CDH12: variants seen among roughly 807,000 people sequenced by gnomAD.
The protein encoded by CDH12 is cadherin-12.
In CDH12, 41 loss-of-function variants were observed where a neutral mutation model predicts 74.1. The observed-to-expected ratio is 0.55, with a 90% CI of 0.43 to 0.72. The LOEUF (loss-of-function observed/expected upper bound fraction) is 0.72, where lower values mean the gene tolerates loss of function less well. Among genes scored for constraint, CDH12 ranks in the 30% least tolerant of loss-of-function variants. The probability of loss-of-function intolerance (pLI) is 0.00; values close to 1 mark genes in which losing one functional copy is unlikely to be tolerated. For synonymous variants in CDH12, 399 were observed against 355.0 expected, an observed-to-expected ratio of 1.12 and a Z score of -1.39; for missense variants, 945 against 977.2, an observed-to-expected ratio of 0.97 and a Z score of 0.44.
chr5:22,489,690 CT>C (rs753962922), intron 2 of CDH12, among the ~76,000 whole-genome samples: 1,887 of 120,634 alleles, frequency 0.016, 9 homozygotes, highest in Middle Eastern at 0.031. Flanking sequence ...TGCAGTGTAA[CT>C]TTTTTTTTTT....
At chr5:22,566,837 G>A (rs1325137105) in intron 1 of CDH12, among the ~76,000 whole-genome samples, 1 of 152,038 alleles carries the variant, frequency 6.6e-6, no homozygotes, top group Non-Finnish European at 1.5e-5. Context: ...TGCTATGGTC[G>A]CTGTTTTTCA....
chr5:22,665,564 T>C (rs1053099272), intron 1 of CDH12, among the ~76,000 whole-genome samples: 1 of 152,222 alleles, frequency 6.6e-6, no homozygotes, highest in Non-Finnish European at 1.5e-5. Context: ...GCATTTCTAA[T>C]GTTTAAACCT....
At chr5:22,306,705 A>G (rs1254380060) in intron 3 of CDH12, among the ~76,000 whole-genome samples, 1 of 152,180 alleles carries the variant, frequency 6.6e-6, no homozygotes, top group Non-Finnish European at 1.5e-5. Flanking sequence ...TCTCATTCAT[A>G]TCTACAAGCA....
chr5:22,700,942 T>C (rs1038255129), intron 1 of CDH12, among the ~76,000 whole-genome samples: 1 of 152,242 alleles, frequency 6.6e-6, no homozygotes, highest in African/African-American at 2.4e-5. Context: ...TAGTTTCTAC[T>C]TAAGAGAAAT....
intron 5 of CDH12, among the ~76,000 whole-genome samples, chr5:22,001,014 CAT>C (rs1736573636): frequency 6.6e-6 from 1 of 152,060 alleles, no homozygotes; most frequent in Non-Finnish European, 1.5e-5. Flanking sequence ...AAGGCCAAGA[CAT>C]ATTAAATAAC....
intron 5 of CDH12, among the ~76,000 whole-genome samples, chr5:22,032,853 G>A (rs759748897): frequency 1.1e-4 from 17 of 149,164 alleles, no homozygotes; most frequent in Admixed American, 2.7e-4. Flanking sequence ...CACAAAGGAA[G>A]GACTCCAGTG....
intron 4 of CDH12, among the ~76,000 whole-genome samples, chr5:22,119,120 T>C (rs1479467397): frequency 6.6e-6 from 1 of 152,116 alleles, no homozygotes; most frequent in South Asian, 2.1e-4. Flanking sequence ...GTACATTACA[T>C]GCAGATTTCG....
At chr5:21,783,086 G>C (rs1479867035) in intron 11 of CDH12, among the ~76,000 whole-genome samples, 1 of 152,080 alleles carries the variant, frequency 6.6e-6, no homozygotes, top group African/African-American at 2.4e-5. Flanking sequence ...AAACTCGGGT[G>C]AATTTTTGAG....
chr5:22,423,424 G>A (rs1211593924), intron 2 of CDH12, among the ~76,000 whole-genome samples: 6 of 152,102 alleles, frequency 3.9e-5, no homozygotes, highest in African/African-American at 1.4e-4. Context: ...TCCAGAGTAG[G>A]TAATCCTGGC....
At chr5:22,729,597 AG>A (rs1241826978) in intron 1 of CDH12, among the ~76,000 whole-genome samples, 1 of 151,888 alleles carries the variant, frequency 6.6e-6, no homozygotes, top group Non-Finnish European at 1.5e-5. Context: ...CAGTGCATCT[AG>A]GAAGGATTTG....
At chr5:22,289,369 A>T (rs1364230358) in intron 3 of CDH12, among the ~76,000 whole-genome samples, 1 of 152,194 alleles carries the variant, frequency 6.6e-6, no homozygotes, top group Non-Finnish European at 1.5e-5. Context: ...AAATTAATGG[A>T]TTATGGAGAG....
At chr5:22,615,799 A>G (rs1243404672) in intron 1 of CDH12, among the ~76,000 whole-genome samples, 1 of 152,266 alleles carries the variant, frequency 6.6e-6, no homozygotes, top group Non-Finnish European at 1.5e-5. Flanking sequence ...TCTTCTTTAC[A>G]GAAGGATACC....
At chr5:22,831,899 C>T (rs558805874) in intron 1 of CDH12, among the ~76,000 whole-genome samples, 8 of 150,942 alleles carry the variant, frequency 5.3e-5, no homozygotes, top group African/African-American at 9.7e-5. Flanking sequence ...TCTGTCCCCC[C>T]CAAAAAAAAA....
At chr5:21,802,741 G>A (rs781397642) in intron 9 of CDH12, among the ~76,000 whole-genome samples, 4 of 151,580 alleles carry the variant, frequency 2.6e-5, no homozygotes, top group Non-Finnish European at 2.9e-5. Flanking sequence ...ACAGGCGCCC[G>A]CCACCATGCC....
At chr5:21,794,943 T>A (rs1414269912) in intron 10 of CDH12, among the ~76,000 whole-genome samples, 2 of 151,674 alleles carry the variant, frequency 1.3e-5, no homozygotes, top group African/African-American at 4.8e-5. Flanking sequence ...ATTACTTTTA[T>A]TTTTCATGGC....
intron 1 of CDH12, among the ~76,000 whole-genome samples, chr5:22,841,546 T>C (rs1048523539): frequency 6.6e-6 from 1 of 152,094 alleles, no homozygotes; most frequent in Admixed American, 6.6e-5. Context: ...GTTTTCAGCA[T>C]ATGGTGTTTA....
rs566113521 is a variant in CDH12 at position 21,939,237 on chromosome 5, T to TA, written c.526+35853_526+35854insT. On this transcript the variant is annotated intron_variant, in intron 6 of 14. Coordinates refer to ENST00000382254, the MANE Select transcript of CDH12 (RefSeq NM_004061.5). Reference sequence around the variant, plus strand: ...CCTTCTATATATATATATAAAATTATCAAAAAAAGACTGAATTATAATACA... The same window carrying TA: ...CCTTCTATATATATATATAAAATTATACAAAAAAAGACTGAATTATAATACA... Among the ~76,000 whole-genome samples, 370 of 128,564 alleles carry TA rather than the reference T, an allele frequency of 2.9e-3. 2 individuals carry two copies. The highest frequency in any genetic ancestry group is 0.015 in the African/African-American group (350 of 23,118). The allele number at this position is 128,564 out of a possible 152,430, so 84.3% of individuals were successfully genotyped here. A position where few individuals can be genotyped will look rare whatever the true frequency, so the allele number is the denominator to read the frequency against.
chr5:22,226,646 G>C (rs906641740), intron 3 of CDH12, among the ~76,000 whole-genome samples: 2 of 152,080 alleles, frequency 1.3e-5, no homozygotes, highest in African/African-American at 4.8e-5. Context: ...GATAACAAAT[G>C]GGTGTCCCAT....
chr5:21,765,141 G>A (rs368092959), intron 11 of CDH12, 42 bp from the exon 12 acceptor site: 92 of 1,451,590 alleles, frequency 6.3e-5, no homozygotes, highest in South Asian at 5.9e-4. Context: ...TACAAAATCC[G>A]GTCAGTTATT....
Sources: gnomAD v4.1 joint callset for allele counts (sites outside exome capture counted in the v4.1 genomes callset) on GRCh38, gnomAD v4.1.1 for gene constraint, MANE v1.5 for transcripts, NCBI Gene and HGNC (gene_info 2026-07-23, HGNC 2026-07-21) for gene names.